TMEM178A: variants seen among roughly 807,000 people sequenced by gnomAD.
The protein encoded by TMEM178A is transmembrane protein 178.
TMEM178A carries 12 observed loss-of-function variants against 29.1 expected under a neutral mutation model. The observed-to-expected ratio is 0.41, with a 90% CI of 0.26 to 0.67. TMEM178A has a LOEUF of 0.67. Among genes scored for constraint, TMEM178A ranks in the 30% least tolerant of loss-of-function variants. The pLI is 0.29. For synonymous variants in TMEM178A, 210 were observed against 187.2 expected, an observed-to-expected ratio of 1.12 and a Z score of -0.99; for missense variants, 366 against 419.1, an observed-to-expected ratio of 0.87 and a Z score of 1.11.
chr2:39,727,917 A>T, the TMEM178A span, among the ~76,000 whole-genome samples: 2 of 152,168 alleles, frequency 1.3e-5, no homozygotes, highest in African/African-American at 2.4e-5. Flanking sequence ...GCAGCATAGT[A>T]TTCCATGGTG....
chr2:39,678,512 A>G (rs1670726452), intron 1 of TMEM178A, among the ~76,000 whole-genome samples: 1 of 152,210 alleles, frequency 6.6e-6, no homozygotes, highest in Admixed American at 6.5e-5. Flanking sequence ...TTTATTTATG[A>G]AATATACAGA....
downstream of TMEM178A, among the ~76,000 whole-genome samples, chr2:39,719,152 G>T (rs552311606): frequency 3.3e-4 from 50 of 152,302 alleles, no homozygotes; most frequent in Non-Finnish European, 4.9e-4. Flanking sequence ...TAATATACTG[G>T]TCCCTCTGGA....
intron 1 of TMEM178A, among the ~76,000 whole-genome samples, chr2:39,701,472 A>C (rs1671779153): frequency 6.6e-6 from 1 of 151,986 alleles, no homozygotes; most frequent in Non-Finnish European, 1.5e-5. Context: ...TGCTGCTTTC[A>C]GGATTCTCTG....
chr2:39,679,161 G>C (rs555804255), intron 1 of TMEM178A, among the ~76,000 whole-genome samples: 1 of 152,266 alleles, frequency 6.6e-6, no homozygotes, highest in South Asian at 2.1e-4. Context: ...TTAAGGCCAG[G>C]GATGGATACC....
intron 1 of TMEM178A, among the ~76,000 whole-genome samples, chr2:39,679,197 C>T (rs146528811): frequency 2.1e-4 from 32 of 152,276 alleles, no homozygotes; most frequent in Admixed American, 9.8e-4. Flanking sequence ...GGGCACATGG[C>T]GATCTGCCAT....
At chr2:39,675,418 GT>G (rs2148058718) in intron 1 of TMEM178A, among the ~76,000 whole-genome samples, 1 of 144,208 alleles carries the variant, frequency 6.9e-6, no homozygotes, top group Admixed American at 7.0e-5. Flanking sequence ...TAAAAGGGCA[GT>G]TTTGTATGCC....
At chr2:39,685,273 G>T (rs1671028063) in intron 1 of TMEM178A, among the ~76,000 whole-genome samples, 1 of 152,132 alleles carries the variant, frequency 6.6e-6, no homozygotes, top group South Asian at 2.1e-4. Flanking sequence ...GGAGTGAGCT[G>T]CTCTCTCACC....
At position 39,687,808 on chromosome 2, in the gene TMEM178A, T is replaced by C. The variant is rs145505621; in HGVS notation, c.401-16273T>C. Among the ~76,000 whole-genome samples the C allele has an allele frequency of 5.9e-3, 897 of 152,366 alleles. 4 individuals carry two copies. The highest frequency in any genetic ancestry group is 8.3e-3 in the Non-Finnish European group (565 of 68,040). ...GCCTGCCTGCTCTGTCCTTGTTCAC[T>C]TGAAAGGGTTAACTGGGCATGATCA... On this transcript the variant is annotated intron_variant, in intron 1 of 3. Coordinates refer to ENST00000281961, the MANE Select transcript of TMEM178A (RefSeq NM_152390.3).
chr2:39,727,041 A>G, the TMEM178A span, among the ~76,000 whole-genome samples: 2 of 152,192 alleles, frequency 1.3e-5, no homozygotes, highest in Non-Finnish European at 2.9e-5. Flanking sequence ...CCAACAATCC[A>G]TAATTTTTCT....
At chr2:39,666,428 G>A in intron 1 of TMEM178A, 54 bp downstream of exon 1, 1 of 1,240,918 alleles carries the variant, frequency 8.1e-7, no homozygotes, top group Non-Finnish European at 1.0e-6. Context: ...AGCGCAGCCC[G>A]CGGCTTCCCA....
At chr2:39,686,846 T>C (rs1259250321) in intron 1 of TMEM178A, among the ~76,000 whole-genome samples, 1 of 152,222 alleles carries the variant, frequency 6.6e-6, no homozygotes, top group African/African-American at 2.4e-5. Context: ...TGGCGCTTTT[T>C]TCCCTCCTGC....
chr2:39,709,585 G>A (rs1432690917), intron 3 of TMEM178A, among the ~76,000 whole-genome samples: 1 of 152,192 alleles, frequency 6.6e-6, no homozygotes, highest in Admixed American at 6.5e-5. Flanking sequence ...AAGAACCAGA[G>A]AGGACTGCAC....
At chr2:39,718,244 C>G (rs1466220425), downstream of TMEM178A, among the ~76,000 whole-genome samples, 1 of 152,028 alleles carries the variant, frequency 6.6e-6, no homozygotes, top group South Asian at 2.1e-4. Flanking sequence ...CTCTTCCTCC[C>G]CTGTTTACCA....
chr2:39,678,345 G>A (rs1294411074), intron 1 of TMEM178A, among the ~76,000 whole-genome samples: 2 of 152,146 alleles, frequency 1.3e-5, no homozygotes, highest in Non-Finnish European at 2.9e-5. Context: ...TCCATCAACT[G>A]ATGAATAGAT....
chr2:39,698,590 A>G (rs1448780966), intron 1 of TMEM178A, among the ~76,000 whole-genome samples: 4 of 152,132 alleles, frequency 2.6e-5, no homozygotes, highest in Non-Finnish European at 4.4e-5. Flanking sequence ...TTGCATATCT[A>G]TACATAAGGA....
chr2:39,709,690 C>A (rs1672218543), intron 3 of TMEM178A, among the ~76,000 whole-genome samples: 1 of 152,198 alleles, frequency 6.6e-6, no homozygotes, highest in South Asian at 2.1e-4. Context: ...GCCCCCATTT[C>A]TCTGACTCTT....
chr2:39,690,381 T>C (rs1671262352), intron 1 of TMEM178A, among the ~76,000 whole-genome samples: 1 of 152,128 alleles, frequency 6.6e-6, no homozygotes, highest in Non-Finnish European at 1.5e-5. Flanking sequence ...AGCACCTAGC[T>C]CAACTCTGGG....
chr2:39,714,444 A>C (rs550428165), intron 3 of TMEM178A, among the ~76,000 whole-genome samples: 5 of 152,352 alleles, frequency 3.3e-5, no homozygotes, highest in African/African-American at 9.6e-5. Flanking sequence ...TTCTGAGGCA[A>C]GATGGATCCA....
At chr2:39,694,401 A>G (rs575597183) in intron 1 of TMEM178A, among the ~76,000 whole-genome samples, 1 of 152,170 alleles carries the variant, frequency 6.6e-6, no homozygotes, top group East Asian at 1.9e-4. Context: ...GTTACCAGGA[A>G]GTTGAGTCTC....
Sources: allele counts gnomAD v4.1 joint callset (sites outside exome capture counted in the v4.1 genomes callset), GRCh38; gene constraint gnomAD v4.1.1; transcripts MANE v1.5; gene names NCBI Gene and HGNC (gene_info 2026-07-23, HGNC 2026-07-21).